Variants in CDH18 observed in about 807,000 individuals in gnomAD.
CDH18 encodes the protein cadherin 18.
CDH18 carries 31 observed loss-of-function variants against 67.9 expected under a neutral mutation model. That is an observed-to-expected ratio of 0.46 (90% CI 0.34 to 0.62). CDH18 has a LOEUF of 0.62. Ranked by LOEUF, CDH18 falls within the 20% of genes least tolerant of loss-of-function variation. The probability of loss-of-function intolerance (pLI) is 0.01; values close to 1 mark genes in which losing one functional copy is unlikely to be tolerated. For synonymous variants in CDH18, 362 were observed against 347.2 expected (o/e 1.04, Z -0.48); for missense variants, 890 against 975.5 (o/e 0.91, Z 1.17).
At chr5:19,864,548 A>T (rs1180884467) in intron 2 of CDH18, among the ~76,000 whole-genome samples, 1 of 152,108 alleles carries the variant, frequency 6.6e-6, no homozygotes, top group Non-Finnish European at 1.5e-5. Flanking sequence ...AAAAAACAAC[A>T]ACACAAACTC....
intron 2 of CDH18, among the ~76,000 whole-genome samples, chr5:19,917,108 G>T (rs1791887398): frequency 6.6e-6 from 1 of 152,166 alleles, no homozygotes; most frequent in Non-Finnish European, 1.5e-5. Flanking sequence ...CTAGTTTCAT[G>T]ATAGCATATT....
intron 1 of CDH18, chr5:20,305,507 C>T: frequency 9.4e-7 from 1 of 1,066,012 alleles, no homozygotes; most frequent in Non-Finnish European, 1.5e-6. Context: ...TGCCGCGAAA[C>T]CCGGGGCGCA....
At chr5:19,771,412 C>T (rs566006668) in intron 3 of CDH18, among the ~76,000 whole-genome samples, 1 of 152,338 alleles carries the variant, frequency 6.6e-6, no homozygotes, top group Non-Finnish European at 1.5e-5. Context: ...TAAGGAGAGG[C>T]TCACGTGGCA....
chr5:19,704,464 G>C (rs1280555621), intron 5 of CDH18, among the ~76,000 whole-genome samples: 1 of 152,150 alleles, frequency 6.6e-6, no homozygotes, highest in Non-Finnish European at 1.5e-5. Context: ...TAATTCCAGA[G>C]CAATTATACA....
intron 5 of CDH18, among the ~76,000 whole-genome samples, chr5:19,645,190 A>C (rs974304225): frequency 6.6e-6 from 1 of 152,222 alleles, no homozygotes; most frequent in Non-Finnish European, 1.5e-5. Flanking sequence ...GAAGACAAAA[A>C]ATGGAGTAGG....
intron 2 of CDH18, among the ~76,000 whole-genome samples, chr5:20,185,896 G>A (rs1231766535): frequency 6.6e-6 from 1 of 151,392 alleles, no homozygotes; most frequent in Non-Finnish European, 1.5e-5. Flanking sequence ...CATAGTGTCT[G>A]GAAGAGTACC....
chr5:19,670,081 A>G (rs1031345361), intron 5 of CDH18, among the ~76,000 whole-genome samples: 1 of 152,114 alleles, frequency 6.6e-6, no homozygotes. Context: ...ATGAACTAGG[A>G]AAAAGAGGTG....
chr5:19,473,672 G>T lies in CDH18; in HGVS notation c.1927C>A (p.Pro643Thr), dbSNP rs775923106. 2.5e-5 allele frequency: 40 copies of T among 1,613,130 alleles called. No individual in the cohort carries two copies. The highest frequency in any genetic ancestry group is 3.4e-5 in the Non-Finnish European group (40 of 1,179,688). Residue 643 changes from proline to threonine, a missense_variant, in exon 13 of 13, where the codon CCC becomes ACC. Coordinates refer to ENST00000382275, the MANE Select transcript of CDH18 (RefSeq NM_004934.5). ...ACATCCTCTTCTGAAATGATCAAGG[G>T]CTCTTTTTTGCTGCGCCTCAGGGTG... ...FITLRRSKKE[P>T]LIISEEDVRE...
intron 1 of CDH18, among the ~76,000 whole-genome samples, chr5:19,985,875 T>A (rs1179676183): frequency 6.6e-6 from 1 of 152,160 alleles, no homozygotes; most frequent in Non-Finnish European, 1.5e-5. Flanking sequence ...GTCAATAAGT[T>A]CAATATGTTT....
chr5:20,172,938 C>T (rs1452395391), intron 2 of CDH18, among the ~76,000 whole-genome samples: 2 of 150,718 alleles, frequency 1.3e-5, no homozygotes, highest in Admixed American at 6.6e-5. Context: ...TGCAGTGAGC[C>T]GAGATCGCAC....
intron 1 of CDH18, among the ~76,000 whole-genome samples, chr5:20,541,708 G>A (rs934077065): frequency 3.3e-5 from 5 of 152,084 alleles, no homozygotes; most frequent in Admixed American, 6.6e-5. Flanking sequence ...TGCAATAAAT[G>A]AATCAAAAAA....
At chr5:19,749,660 C>T (rs1008052247) in intron 3 of CDH18, among the ~76,000 whole-genome samples, 12 of 150,890 alleles carry the variant, frequency 8.0e-5, no homozygotes, top group African/African-American at 2.7e-4. Flanking sequence ...TCTTAACCTA[C>T]AGCATCTATT....
At chr5:19,655,788 G>A (rs911594632) in intron 5 of CDH18, among the ~76,000 whole-genome samples, 3 of 151,894 alleles carry the variant, frequency 2.0e-5, no homozygotes, top group Non-Finnish European at 4.4e-5. Flanking sequence ...CAGTTATCCC[G>A]GTGTCTCTGG....
chr5:19,987,936 C>A (rs1561687648), intron 1 of CDH18, 150 bp downstream of exon 1: 1 of 152,244 alleles, frequency 6.6e-6, no homozygotes, highest in Non-Finnish European at 1.5e-5. Context: ...TTAGCTACAA[C>A]TTTCCCCTCA....
chr5:19,952,250 C>T (rs1268709460), intron 2 of CDH18, among the ~76,000 whole-genome samples: 1 of 152,154 alleles, frequency 6.6e-6, no homozygotes, highest in Non-Finnish European at 1.5e-5. Context: ...AGGGTTTCAC[C>T]GTGTTAGCCA....
intron 1 of CDH18, among the ~76,000 whole-genome samples, chr5:20,315,465 T>C (rs113849452): frequency 0.014 from 2,129 of 152,158 alleles, 53 homozygotes; most frequent in African/African-American, 0.048. Flanking sequence ...CTAATTGATA[T>C]CATGGAGTCC....
intron 2 of CDH18, among the ~76,000 whole-genome samples, chr5:20,141,446 C>T (rs187341663): frequency 6.6e-6 from 1 of 152,046 alleles, no homozygotes; most frequent in South Asian, 2.1e-4. Context: ...ATTTATGACT[C>T]GTGATGGCAT....
At chr5:20,025,456 T>C (rs998401398) in intron 2 of CDH18, among the ~76,000 whole-genome samples, 1 of 152,232 alleles carries the variant, frequency 6.6e-6, no homozygotes, top group South Asian at 2.1e-4. Context: ...TACTGTTTTT[T>C]TATACTCAAT....
At chr5:20,031,772 A>C (rs1205948946) in intron 2 of CDH18, among the ~76,000 whole-genome samples, 1 of 152,152 alleles carries the variant, frequency 6.6e-6, no homozygotes, top group Admixed American at 6.6e-5. Context: ...TTCAAATTCC[A>C]CAATTCACAA....
Sources: allele counts gnomAD v4.1 joint callset (sites outside exome capture counted in the v4.1 genomes callset), GRCh38; gene constraint gnomAD v4.1.1; transcripts MANE v1.5; gene names NCBI Gene and HGNC (gene_info 2026-07-23, HGNC 2026-07-21).